The following COL5A2 variants were observed in gnomAD, a reference collection of about 807,000 sequenced individuals.
The protein encoded by COL5A2 is collagen type V alpha 2 chain, also known as collagen alpha-2(V) chain.
Under a neutral mutation model 208.2 loss-of-function variants are expected in COL5A2, and 23 were observed. The observed-to-expected ratio is 0.11, with a 90% CI of 0.08 to 0.16. The LOEUF (loss-of-function observed/expected upper bound fraction) is 0.16. Ranked by LOEUF, COL5A2 falls within the 10% of genes least tolerant of loss-of-function variation. The probability of loss-of-function intolerance (pLI) is 1.00; values close to 1 mark genes in which losing one functional copy is unlikely to be tolerated. For missense variants in COL5A2, 1,590 were observed against 1,956.4 expected, an observed-to-expected ratio of 0.81 and a Z score of 3.53; for synonymous variants, 625 against 628.5, an observed-to-expected ratio of 0.99 and a Z score of 0.08.
At chr2:189,053,547 A>G (rs914043083) in intron 37 of COL5A2, 70 bp from the exon 38 acceptor site, 17 of 1,294,980 alleles carry the variant, frequency 1.3e-5, no homozygotes, top group Non-Finnish European at 1.9e-5. Flanking sequence ...TTAAAATATG[A>G]TCATATAAAT....
At chr2:189,193,690 T>A (rs1688958981) in intron 1 of COL5A2, among the ~76,000 whole-genome samples, 2 of 152,192 alleles carry the variant, frequency 1.3e-5, no homozygotes, top group Admixed American at 6.5e-5. Context: ...CAAACCCAGA[T>A]CTGACTTACA....
the COL5A2 span, among the ~76,000 whole-genome samples, chr2:189,267,310 C>T: frequency 6.6e-6 from 1 of 152,042 alleles, no homozygotes; most frequent in Admixed American, 6.6e-5. Context: ...AATTCTTAGA[C>T]TGTTACATAA....
the COL5A2 span, among the ~76,000 whole-genome samples, chr2:189,320,074 G>A: frequency 2.6e-5 from 4 of 152,296 alleles, no homozygotes; most frequent in Admixed American, 6.5e-5. Context: ...TAGAACTCCC[G>A]CAAATTCCAA....
At chr2:189,319,895 C>A in the COL5A2 span, among the ~76,000 whole-genome samples, 1 of 152,316 alleles carries the variant, frequency 6.6e-6, no homozygotes, top group South Asian at 2.1e-4. Context: ...CCCAGGTAGC[C>A]TATCTGGGAG....
chr2:189,396,860 C>T, the COL5A2 span, among the ~76,000 whole-genome samples: 7 of 150,870 alleles, frequency 4.6e-5, no homozygotes, highest in East Asian at 1.4e-3. Context: ...GCCATGGTGG[C>T]GGGCACCTGT....
At chr2:189,268,216 AAACTAAG>A in the COL5A2 span, among the ~76,000 whole-genome samples, 4 of 152,154 alleles carry the variant, frequency 2.6e-5, no homozygotes, top group Non-Finnish European at 5.9e-5. Context: ...TACAACCATC[AAACTAAG>A]AGTTCTAAGA....
chr2:189,052,736 C>A lies in COL5A2; in HGVS notation c.2715+13G>T. On this transcript the variant is annotated intron_variant, in intron 40 of 53. Transcript: ENST00000374866. Reference sequence around the variant, plus strand: ...TAGCTGTGCATACTTTGCAGAGCATCAAATAAACTTACAGGCGGACCTTGG... The same window carrying A: ...TAGCTGTGCATACTTTGCAGAGCATAAAATAAACTTACAGGCGGACCTTGG... The A allele has an allele frequency of 6.2e-7, 1 of 1,613,692 alleles. No homozygotes were observed. Among genetic ancestry groups the A allele is most frequent in the South Asian group, 1.1e-5 (1 of 91,062 alleles).
At chr2:189,127,096 T>C (rs960276101) in intron 1 of COL5A2, among the ~76,000 whole-genome samples, 2 of 152,038 alleles carry the variant, frequency 1.3e-5, no homozygotes, top group Non-Finnish European at 2.9e-5. Context: ...TACCTTTTCT[T>C]GTGGAAGTGA....
chr2:189,078,806 T>A (rs896547509), intron 15 of COL5A2, among the ~76,000 whole-genome samples: 2 of 152,148 alleles, frequency 1.3e-5, no homozygotes, highest in Non-Finnish European at 2.9e-5. Context: ...GCGATAATCT[T>A]GATTTGATCA....
chr2:189,330,415 A>C, the COL5A2 span, among the ~76,000 whole-genome samples: 1 of 152,198 alleles, frequency 6.6e-6, no homozygotes, highest in Non-Finnish European at 1.5e-5. Flanking sequence ...GGGCAGGATA[A>C]CTGAAAGCCC....
At chr2:189,077,802 C>T (rs915315935) in intron 16 of COL5A2, among the ~76,000 whole-genome samples, 2 of 152,020 alleles carry the variant, frequency 1.3e-5, no homozygotes, top group East Asian at 1.9e-4. Flanking sequence ...AGTGTAAACC[C>T]GCTATTGCTA....
At chr2:189,384,602 T>G in the COL5A2 span, among the ~76,000 whole-genome samples, 4 of 152,188 alleles carry the variant, frequency 2.6e-5, no homozygotes, top group Non-Finnish European at 5.9e-5. Context: ...TCAGGTATTT[T>G]TTTGCTATTG....
chr2:189,244,934 G>A, the COL5A2 span, among the ~76,000 whole-genome samples: 1 of 152,200 alleles, frequency 6.6e-6, no homozygotes, highest in Non-Finnish European at 1.5e-5. Context: ...GGAAGGCATG[G>A]AGGAGCAAGT....
chr2:189,371,026 T>G, the COL5A2 span, among the ~76,000 whole-genome samples: 1 of 152,150 alleles, frequency 6.6e-6, no homozygotes, highest in Non-Finnish European at 1.5e-5. Flanking sequence ...CACCATCCCC[T>G]TGGTGATAAG....
At chr2:189,062,575 T>C (rs1199161920) in intron 29 of COL5A2, among the ~76,000 whole-genome samples, 1 of 152,156 alleles carries the variant, frequency 6.6e-6, no homozygotes, top group Non-Finnish European at 1.5e-5. Flanking sequence ...AAATATTTGT[T>C]ACACACTGTT....
At chr2:189,419,755 CACTGCACTTCAGCCTGGGCA>C in the COL5A2 span, among the ~76,000 whole-genome samples, 1 of 151,820 alleles carries the variant, frequency 6.6e-6, no homozygotes, top group South Asian at 2.1e-4. Flanking sequence ...ATGATCCTAC[CACTGCACTTCAGCCTGGGCA>C]ACAGAGCAAG....
the COL5A2 span, among the ~76,000 whole-genome samples, chr2:189,279,796 T>C: frequency 6.6e-6 from 1 of 152,086 alleles, no homozygotes; most frequent in Non-Finnish European, 1.5e-5. Context: ...AAGAGAAAAC[T>C]TGAAATTATT....
intron 7 of COL5A2, 125 bp from the exon 8 acceptor site, chr2:189,088,897 T>C: frequency 1.2e-6 from 1 of 817,868 alleles, no homozygotes; most frequent in East Asian, 2.6e-5. Context: ...TCATTCTAAG[T>C]GCTTGACTTT....
upstream of COL5A2, among the ~76,000 whole-genome samples, chr2:189,227,790 T>C (rs1220356971): frequency 6.6e-6 from 1 of 151,984 alleles, no homozygotes; most frequent in Non-Finnish European, 1.5e-5. Context: ...CTTTTAATAA[T>C]GGATGGAATA....
Sources: gnomAD v4.1 joint callset for allele counts (sites outside exome capture counted in the v4.1 genomes callset) on GRCh38, gnomAD v4.1.1 for gene constraint, MANE v1.5 for transcripts, NCBI Gene and HGNC (gene_info 2026-07-23, HGNC 2026-07-21) for gene names.